Variants in FOCAD observed in about 807,000 individuals in gnomAD.
The protein encoded by FOCAD is KIAA1797.
FOCAD carries 198 observed loss-of-function variants against 225.6 expected under a neutral mutation model. The ratio of observed to expected loss-of-function variants is 0.88; its 90% CI spans 0.78 to 0.99. FOCAD has a LOEUF of 0.99. Ranked by LOEUF, FOCAD falls within the 50% of genes least tolerant of loss-of-function variation. FOCAD has a pLI of 0.00. For missense variants in FOCAD, 2,713 were observed against 2,123.6 expected (o/e 1.28, Z -5.46); for synonymous variants, 897 against 755.0 (o/e 1.19, Z -3.08).
At position 20,906,575 on chromosome 9, in the gene FOCAD, A is replaced by G. The variant is rs115981207; in HGVS notation, c.2626-575A>G. On this transcript the variant is annotated intron_variant, in intron 21 of 43. Transcript: ENST00000338382. ...TGAGAAACAGGGTTTGCATGTTGGT[A>G]TATATAATTTGTCTCTTGTTTACCC... Among the ~76,000 whole-genome samples the G allele has an allele frequency of 2.1e-3, 320 of 152,120 alleles. 3 individuals carry two copies. The highest frequency in any genetic ancestry group is 7.1e-3 in the African/African-American group (296 of 41,530).
chr9:20,781,339 C>G (rs1257500723), intron 9 of FOCAD, among the ~76,000 whole-genome samples: 1 of 152,192 alleles, frequency 6.6e-6, no homozygotes, highest in Admixed American at 6.5e-5. Context: ...GGATTCTTAG[C>G]TGCCTTTGTA....
intron 35 of FOCAD, among the ~76,000 whole-genome samples, chr9:20,963,918 C>A (rs1839007365): frequency 6.6e-6 from 1 of 152,276 alleles, no homozygotes; most frequent in East Asian, 1.9e-4. Context: ...ATATAAGCTC[C>A]ACGAGCGCAG....
intron 19 of FOCAD, among the ~76,000 whole-genome samples, chr9:20,877,951 TTA>T (rs1830366810): frequency 6.6e-6 from 1 of 152,098 alleles, no homozygotes; most frequent in Non-Finnish European, 1.5e-5. Context: ...TTACCACTCT[TTA>T]TGCAGTCACT....
At chr9:20,707,854 T>C (rs1824519798) in intron 1 of FOCAD, among the ~76,000 whole-genome samples, 1 of 152,156 alleles carries the variant, frequency 6.6e-6, no homozygotes, top group African/African-American at 2.4e-5. Context: ...TTTTAAGCCT[T>C]TGAAGCAAGA....
At chr9:20,758,885 A>AATCTC (rs1829310030) in intron 6 of FOCAD, among the ~76,000 whole-genome samples, 1 of 152,156 alleles carries the variant, frequency 6.6e-6, no homozygotes, top group Non-Finnish European at 1.5e-5. Flanking sequence ...CTCAGCCCAA[A>AATCTC]ATCTCCTTAA....
intron 35 of FOCAD, among the ~76,000 whole-genome samples, chr9:20,954,038 A>G (rs1447614884): frequency 6.6e-6 from 1 of 152,188 alleles, no homozygotes; most frequent in Non-Finnish European, 1.5e-5. Flanking sequence ...CCAGATTTTG[A>G]ATATTTTCAT....
intron 32 of FOCAD, 26 bp downstream of exon 32, chr9:20,948,954 A>T (rs756174654): frequency 2.5e-6 from 4 of 1,600,680 alleles, no homozygotes; most frequent in South Asian, 1.1e-5. Flanking sequence ...ATGGAGGGGA[A>T]GACATCTAAA....
chr9:20,976,697 T>C, intron 36 of FOCAD, 149 bp downstream of exon 36: 1 of 856,226 alleles, frequency 1.2e-6, no homozygotes, highest in Non-Finnish European at 1.9e-6. Context: ...CTGGGTTACT[T>C]TCACTCAGTC....
intron 35 of FOCAD, among the ~76,000 whole-genome samples, chr9:20,958,067 C>G (rs1250280875): frequency 6.6e-6 from 1 of 150,886 alleles, no homozygotes; most frequent in African/African-American, 2.4e-5. Context: ...TACTTACTGG[C>G]TGTATAACTT....
chr9:20,912,710 G>A (rs1398637710), intron 22 of FOCAD, among the ~76,000 whole-genome samples, 156 bp from the exon 23 acceptor site: 1 of 152,088 alleles, frequency 6.6e-6, no homozygotes, highest in African/African-American at 2.4e-5. Flanking sequence ...GCATTGATGT[G>A]ATGATTTCTC....
chr9:20,928,644 T>C (rs1472846644), intron 26 of FOCAD, among the ~76,000 whole-genome samples: 8 of 152,168 alleles, frequency 5.3e-5, no homozygotes, highest in African/African-American at 1.4e-4. Flanking sequence ...ATTAGGGCTG[T>C]TATTCATTTC....
intron 15 of FOCAD, 36 bp downstream of exon 15, chr9:20,823,151 G>T: frequency 6.3e-7 from 1 of 1,585,240 alleles, no homozygotes; most frequent in East Asian, 2.3e-5. Flanking sequence ...TAATTTTGAA[G>T]AAAATCTTTT....
intron 21 of FOCAD, among the ~76,000 whole-genome samples, chr9:20,885,779 A>G (rs1831055519): frequency 6.6e-6 from 1 of 152,216 alleles, no homozygotes. Context: ...GGGAAGCTGG[A>G]AAGTCCTTGG....
At chr9:20,868,486 A>C (rs1018775089) in intron 18 of FOCAD, among the ~76,000 whole-genome samples, 1 of 152,116 alleles carries the variant, frequency 6.6e-6, no homozygotes, top group Non-Finnish European at 1.5e-5. Flanking sequence ...AAGAATTTAT[A>C]AGTGCTATAC....
At chr9:20,692,732 CAA>C (rs1823048852) in intron 1 of FOCAD, among the ~76,000 whole-genome samples, 2 of 152,140 alleles carry the variant, frequency 1.3e-5, no homozygotes, top group Admixed American at 6.5e-5. Flanking sequence ...AGCAAGATAA[CAA>C]GAGGAAACTA....
chr9:20,718,266 G>T (rs1825496743), intron 3 of FOCAD, among the ~76,000 whole-genome samples: 1 of 152,180 alleles, frequency 6.6e-6, no homozygotes, highest in African/African-American at 2.4e-5. Context: ...CTTCAGCTCA[G>T]CCCCAGCTGT....
chr9:20,782,752 T>C (rs1470683611), intron 10 of FOCAD, among the ~76,000 whole-genome samples: 1 of 152,194 alleles, frequency 6.6e-6, no homozygotes, highest in Non-Finnish European at 1.5e-5. Flanking sequence ...ACTGGAGTGA[T>C]GGTTGTGGCT....
At chr9:20,672,590 ACAGGTG>A (rs1563867687) in intron 2 of FOCAD, among the ~76,000 whole-genome samples, 1 of 152,176 alleles carries the variant, frequency 6.6e-6, no homozygotes, top group African/African-American at 2.4e-5. Context: ...AGCTGGGACA[ACAGGTG>A]CCCGCCACCA....
intron 1 of FOCAD, among the ~76,000 whole-genome samples, chr9:20,692,035 C>T (rs374121242): frequency 2.0e-5 from 3 of 152,292 alleles, no homozygotes; most frequent in African/African-American, 7.2e-5. Context: ...CAGGTGTGAG[C>T]CACGGCACCT....
Sources: allele counts gnomAD v4.1 joint callset (sites outside exome capture counted in the v4.1 genomes callset), GRCh38; gene constraint gnomAD v4.1.1; transcripts MANE v1.5; gene names NCBI Gene and HGNC (gene_info 2026-07-23, HGNC 2026-07-21).